The following DNAH10 variants were observed in gnomAD, a reference collection of about 807,000 sequenced individuals.
The protein encoded by DNAH10 is axonemal beta dynein heavy chain 10.
DNAH10 carries 348 observed loss-of-function variants against 506.6 expected under a neutral mutation model. The ratio of observed to expected loss-of-function variants is 0.69; its 90% CI spans 0.63 to 0.75. The LOEUF (loss-of-function observed/expected upper bound fraction) is 0.75. Ranked by LOEUF, DNAH10 falls within the 30% of genes least tolerant of loss-of-function variation. DNAH10 has a pLI of 0.00. For missense variants in DNAH10, 5,179 were observed against 5,787.1 expected (o/e 0.89, Z 3.41); for synonymous variants, 2,059 against 2,198.6 (o/e 0.94, Z 1.78).
At chr12:123,888,419 T>C (rs1033049951) in intron 52 of DNAH10, among the ~76,000 whole-genome samples, 1 of 152,148 alleles carries the variant, frequency 6.6e-6, no homozygotes, top group Admixed American at 6.5e-5. Context: ...ATTAAAGATC[T>C]TGAAGTGCCT....
rs112316270 is a variant in DNAH10, at chr12:123,796,927, G to C, written c.2163+95G>C. ...GCTCTGTCGCCCAGGCTGGAGTGCA[G>C]TGGCGCAATCTCGGCTCACTGCAAC... On this transcript the variant is annotated intron_variant, in intron 13 of 78. Coordinates refer to ENST00000673944, the MANE Select transcript of DNAH10 (RefSeq NM_001372106.1). 5.8e-6 allele frequency: 7 copies of C among 1,207,392 alleles called. No individual in the cohort carries two copies. The East Asian group carries it at 1.6e-4, about 27-fold the overall frequency. The allele number at this position is 1,207,392 out of a possible 1,614,324, so 74.8% of individuals were successfully genotyped here.
At chr12:123,823,122 TG>T (rs779919453) in intron 24 of DNAH10, among the ~76,000 whole-genome samples, 10 of 152,072 alleles carry the variant, frequency 6.6e-5, no homozygotes, top group Non-Finnish European at 1.5e-4. Flanking sequence ...GCTGAGGAGG[TG>T]GCCTGGGAGT....
At chr12:123,795,099 G>C (rs1230982811) in intron 12 of DNAH10, among the ~76,000 whole-genome samples, 1 of 137,156 alleles carries the variant, frequency 7.3e-6, no homozygotes, top group Non-Finnish European at 1.5e-5. Context: ...AGTGAGCTGA[G>C]ATCGCGCGAT....
chr12:123,804,149 C>G (rs1467720660), intron 17 of DNAH10, among the ~76,000 whole-genome samples: 1 of 152,084 alleles, frequency 6.6e-6, no homozygotes. Flanking sequence ...ACCTCATCTG[C>G]GAAAGCCTGT....
chr12:123,921,780 CT>C (rs1407019475), intron 65 of DNAH10, among the ~76,000 whole-genome samples: 4 of 127,710 alleles, frequency 3.1e-5, no homozygotes, highest in Admixed American at 9.8e-5. Flanking sequence ...GTGGTGCGAT[CT>C]TAGCTCACTG....
intron 1 of DNAH10, among the ~76,000 whole-genome samples, chr12:123,766,426 A>G (rs1452709783): frequency 6.6e-6 from 1 of 152,190 alleles, no homozygotes; most frequent in Non-Finnish European, 1.5e-5. Context: ...CATACTATAT[A>G]TACATATTAT....
chr12:123,930,328 T>C (rs1447828691), intron 72 of DNAH10, 74 bp from the exon 73 acceptor site: 4 of 1,393,326 alleles, frequency 2.9e-6, no homozygotes, highest in Non-Finnish European at 3.8e-6. Context: ...TGGGTGAGCC[T>C]CTGGCCCCGG....
At position 123,933,625 on chromosome 12, in the gene DNAH10, T is replaced by G. The variant is rs2137764026; in HGVS notation, c.13477+114T>G. ...GGGCCTAAATGGGCCAGGCCATGTT[T>G]GAAAGCCAGCCTGCTGCAAATATTT... On this transcript the variant is annotated intron_variant, in intron 77 of 78. Transcript: ENST00000673944. The G allele has an allele frequency of 4.1e-6, 5 of 1,228,602 alleles. No individual in the cohort carries two copies. In the East Asian group the frequency reaches 1.3e-4, roughly 32 times the overall value. 76.1% of individuals were successfully genotyped at this position (1,228,602 alleles called of 1,614,324 possible).
intron 65 of DNAH10, among the ~76,000 whole-genome samples, chr12:123,921,743 T>A (rs1424766787): frequency 8.1e-6 from 1 of 122,748 alleles, no homozygotes; most frequent in Non-Finnish European, 1.6e-5. Flanking sequence ...AGACAGAATG[T>A]CACTCTGTTG....
intron 40 of DNAH10, among the ~76,000 whole-genome samples, chr12:123,864,936 C>T (rs1285411848): frequency 3.3e-5 from 5 of 152,132 alleles, no homozygotes; most frequent in African/African-American, 1.2e-4. Context: ...TGAATTGTTT[C>T]TTCTGATGAT....
intron 52 of DNAH10, among the ~76,000 whole-genome samples, chr12:123,888,693 GTAAT>G (rs944514474): frequency 2.0e-4 from 31 of 152,174 alleles, no homozygotes; most frequent in African/African-American, 7.5e-4. Context: ...TCGCTTTGGG[GTAAT>G]TAGTCATGGC....
At position 123,813,514 on chromosome 12, in the gene DNAH10, C is replaced by T. The variant is rs963044598; in HGVS notation, c.3495C>T (p.Ile1165=). ...RHPLIKDEHC[I]RLQLRHLANT... is the part of the protein sequence containing the mutation. ...CTCTAATTAAGGATGAGCATTGCATCAGACTTCAGCTCAGGCATCTGGCAA... is the reference window on the plus strand; with the variant it reads ...CTCTAATTAAGGATGAGCATTGCATTAGACTTCAGCTCAGGCATCTGGCAA... The change falls in exon 20 of 79, where the codon ATC becomes ATT. Residue 1165 remains isoleucine, a synonymous_variant. Transcript: ENST00000673944. 1.2e-6 allele frequency: 2 copies of T among 1,614,182 alleles called. No individual in the cohort carries two copies. The highest frequency in any genetic ancestry group is 1.7e-6 in the Non-Finnish European group (2 of 1,180,046).
Position 123,851,049 on chromosome 12 carries a change from C to G in DNAH10, c.6264C>G (p.Leu2088=). Residue 2088 remains leucine, a synonymous_variant, in exon 35 of 79, where the codon CTC becomes CTG. Coordinates refer to ENST00000673944, the MANE Select transcript of DNAH10 (RefSeq NM_001372106.1). ...PDLQQICEIM[L]FSEGFLEAKT... is the part of the protein sequence containing the mutation. ...TGCAGCAGATCTGTGAGATCATGCT[C>G]TTCTCTGAGGGCTTCCTGGAGGCCA... is the stretch of plus-strand genomic sequence containing the variant. The G allele has an allele frequency of 6.2e-7, 1 of 1,611,144 alleles. No individual in the cohort carries two copies. The highest frequency in any genetic ancestry group is 8.5e-7 in the Non-Finnish European group (1 of 1,177,976).
chr12:123,920,103 A>T (rs77979111), intron 65 of DNAH10, among the ~76,000 whole-genome samples: 5,794 of 152,288 alleles, frequency 0.038, 343 homozygotes, highest in African/African-American at 0.12. Context: ...AAGACTTTTT[A>T]TTATGGAAAA....
At chr12:123,884,348 A>G (rs1043701687) in intron 51 of DNAH10, among the ~76,000 whole-genome samples, 3 of 152,220 alleles carry the variant, frequency 2.0e-5, no homozygotes, top group African/African-American at 7.2e-5. Context: ...CATCATTGCC[A>G]TTACCACAGA....
intron 51 of DNAH10, among the ~76,000 whole-genome samples, chr12:123,886,141 T>C (rs930444903): frequency 3.3e-5 from 5 of 152,226 alleles, no homozygotes; most frequent in Non-Finnish European, 5.9e-5. Flanking sequence ...GACAAGGCAT[T>C]CCCCACTGGA....
chr12:123,934,942 G>C, intron 78 of DNAH10, 176 bp downstream of exon 78: 1 of 847,668 alleles, frequency 1.2e-6, no homozygotes, highest in Non-Finnish European at 1.8e-6. Flanking sequence ...CCTGGAAAAG[G>C]CGCGGCTGTA....
intron 11 of DNAH10, among the ~76,000 whole-genome samples, chr12:123,791,209 G>A (rs1009048031): frequency 2.4e-4 from 36 of 152,180 alleles, no homozygotes; most frequent in African/African-American, 8.2e-4. Context: ...TACAGTATAG[G>A]CTGCTTTGGA....
rs1393328895 is a variant in DNAH10 at position 123,783,277 on chromosome 12, G to C, written c.999+13G>C. On this transcript the variant is annotated intron_variant, in intron 7 of 78. Transcript: ENST00000673944. ...GAAGACACCTCAGGTAGTTTGTGCA[G>C]GGCTTTCAGAGAGCCCCGATCCAGG... The C allele has an allele frequency of 6.2e-7, 1 of 1,612,974 alleles. No individual in the cohort carries two copies. Among genetic ancestry groups the C allele is most frequent in the Non-Finnish European group, 8.5e-7 (1 of 1,179,668 alleles).
Sources: gnomAD v4.1 joint callset for allele counts (sites outside exome capture counted in the v4.1 genomes callset) on GRCh38, gnomAD v4.1.1 for gene constraint, MANE v1.5 for transcripts, NCBI Gene and HGNC (gene_info 2026-07-23, HGNC 2026-07-21) for gene names.